Variants in FRMD6 observed in about 807,000 individuals in gnomAD.
FRMD6 encodes FERM domain containing 6, also known as FERM domain-containing protein 6.
FRMD6 carries 37 observed loss-of-function variants against 73.2 expected under a neutral mutation model. The ratio of observed to expected loss-of-function variants is 0.51; its 90% CI spans 0.39 to 0.66. FRMD6 has a LOEUF of 0.66. Among genes scored for constraint, FRMD6 ranks in the 30% least tolerant of loss-of-function variants. The probability of loss-of-function intolerance (pLI) is 0.00; values close to 1 mark genes in which losing one functional copy is unlikely to be tolerated. For missense variants in FRMD6, 714 were observed against 780.5 expected (o/e 0.91, Z 1.02); for synonymous variants, 273 against 282.2 (o/e 0.97, Z 0.33).
chr14:51,722,076 C>T lies in FRMD6; in HGVS notation c.1488C>T (p.His496=). 6.2e-7 allele frequency: 1 copy of T among 1,613,978 alleles called. No individual in the cohort carries two copies. Among genetic ancestry groups the T allele is most frequent in the Non-Finnish European group, 8.5e-7 (1 of 1,179,946 alleles). ...TCATGTCGCGGAAGCTGAATGGACA[C>T]TCTGGTGAGCTCTTACGGGAAGTTA... ...DMLMSRKLNG[H]SGLIVKEIGS... Residue 496 remains histidine (H), a synonymous_variant, in exon 12 of 14, where the codon CAC becomes CAT. Coordinates refer to ENST00000344768, the MANE Select transcript of FRMD6 (RefSeq NM_001267046.2).
At chr14:51,535,284 A>G (rs1474806345) in intron 1 of FRMD6, among the ~76,000 whole-genome samples, 1 of 152,206 alleles carries the variant, frequency 6.6e-6, no homozygotes, top group African/African-American at 2.4e-5. Context: ...ACGTACAACC[A>G]TCACACAATC....
At chr14:51,469,389 G>A in the FRMD6 span, among the ~76,000 whole-genome samples, 5 of 150,016 alleles carry the variant, frequency 3.3e-5, no homozygotes, top group South Asian at 2.1e-4. Flanking sequence ...CGAGGCGGGC[G>A]GATCACGAGG....
chr14:51,708,475 T>C, intron 7 of FRMD6: 1 of 343,624 alleles, frequency 2.9e-6, no homozygotes, highest in Non-Finnish European at 5.3e-6. Context: ...GAGATGACAA[T>C]TGGCTATAAG....
the FRMD6 span, among the ~76,000 whole-genome samples, chr14:51,435,401 C>T: frequency 1.4e-5 from 2 of 143,758 alleles, no homozygotes; most frequent in African/African-American, 2.6e-5. Context: ...GGCAACATGG[C>T]GAAATCCCAT....
intron 7 of FRMD6, among the ~76,000 whole-genome samples, chr14:51,710,559 A>C (rs547352256): frequency 6.6e-6 from 1 of 152,152 alleles, no homozygotes; most frequent in Non-Finnish European, 1.5e-5. Flanking sequence ...GTAAAAATAT[A>C]CTAGTTGGAA....
chr14:51,551,508 T>C lies in FRMD6; in HGVS notation c.-209-18840T>C, dbSNP rs546742064. ...TTAGCACTTCGGGAGACCAAGGTGG[T>C]CAGATTGCTTGAGCTCAGGAGTTCA... On this transcript the variant is annotated intron_variant, in intron 1 of 14. Coordinates refer to the FRMD6 transcript ENST00000356218. Among the ~76,000 whole-genome samples, 261 of 152,176 alleles carry C rather than the reference T, an allele frequency of 1.7e-3. 3 individuals carry two copies. In the Middle Eastern group the frequency reaches 0.034, roughly 20 times the overall value.
intron 1 of FRMD6, among the ~76,000 whole-genome samples, chr14:51,524,437 G>A (rs948924186): frequency 3.3e-5 from 5 of 151,842 alleles, no homozygotes; most frequent in African/African-American, 1.2e-4. Flanking sequence ...TGCGGGGAGC[G>A]GGACCTCTGG....
chr14:51,728,101 A>G lies in FRMD6; in HGVS notation c.*72A>G. On this transcript the variant is annotated 3_prime_UTR_variant, in exon 14 of 14. Coordinates refer to ENST00000344768, the MANE Select transcript of FRMD6 (RefSeq NM_001267046.2). The stretch of plus-strand genomic sequence containing the variant: ...GATGCGAAAGTCATAAGTTCTTTAC[A>G]TATTACTTGTGCCATATCTTCTTCA... 5.1e-6 allele frequency: 7 copies of G among 1,381,478 alleles called. No individual in the cohort carries two copies. Among genetic ancestry groups the G allele is most frequent in the Admixed American group, 2.1e-5 (1 of 48,212 alleles). The allele number at this position is 1,381,478 out of a possible 1,614,324, so 85.6% of individuals were successfully genotyped here. A position where few individuals can be genotyped will look rare whatever the true frequency, so the allele number is the denominator to read the frequency against.
At chr14:51,415,669 A>C in the FRMD6 span, among the ~76,000 whole-genome samples, 1 of 152,240 alleles carries the variant, frequency 6.6e-6, no homozygotes, top group Non-Finnish European at 1.5e-5. Context: ...TGGCCTCATA[A>C]AATGAGTTAG....
chr14:51,701,991 A>G (rs1482290446), intron 4 of FRMD6, among the ~76,000 whole-genome samples: 2 of 152,014 alleles, frequency 1.3e-5, no homozygotes, highest in South Asian at 2.1e-4. Flanking sequence ...GTAAGTCAGG[A>G]ATAGTAATCC....
chr14:51,495,340 C>G lies in FRMD6; in HGVS notation c.-210+5920C>G, dbSNP rs1883232543. On this transcript the variant is annotated intron_variant, in intron 1 of 14. Coordinates refer to the FRMD6 transcript ENST00000356218. ...AAGAATATTAAGGCATTCTCTACAGCTCTTCTCTTTTCTTTCCGAGTCCTC... is the reference window on the plus strand; with the variant it reads ...AAGAATATTAAGGCATTCTCTACAGGTCTTCTCTTTTCTTTCCGAGTCCTC... Among the ~76,000 whole-genome samples the G allele has an allele frequency of 2.0e-5, 3 of 152,234 alleles. No homozygotes were observed. The South Asian group carries it at 6.2e-4, about 31-fold the overall frequency.
intron 1 of FRMD6, among the ~76,000 whole-genome samples, chr14:51,663,077 A>G (rs1175077347): frequency 2.0e-5 from 3 of 152,260 alleles, no homozygotes; most frequent in Non-Finnish European, 4.4e-5. Context: ...ATACCATCTC[A>G]CACCAGTCAG....
the FRMD6 span, among the ~76,000 whole-genome samples, chr14:51,450,122 ATC>A: frequency 2.0e-5 from 3 of 152,208 alleles, no homozygotes; most frequent in African/African-American, 7.2e-5. Flanking sequence ...ATAAAATTGA[ATC>A]TCTCGTGTCA....
At chr14:51,609,154 A>G (rs564495714) in intron 2 of FRMD6, among the ~76,000 whole-genome samples, 61 of 152,298 alleles carry the variant, frequency 4.0e-4, no homozygotes, top group Non-Finnish European at 7.2e-4. Context: ...ACCAGGACAG[A>G]TTCTAACAAC....
chr14:51,613,593 G>A (rs1006341830), intron 2 of FRMD6, among the ~76,000 whole-genome samples: 2 of 152,056 alleles, frequency 1.3e-5, no homozygotes, highest in Non-Finnish European at 2.9e-5. Context: ...CCAAGGCAGC[G>A]CAACTCCAAA....
At chr14:51,488,118 A>G (rs1397023847), upstream of FRMD6, among the ~76,000 whole-genome samples, 4 of 152,112 alleles carry the variant, frequency 2.6e-5, no homozygotes, top group Non-Finnish European at 4.4e-5. Context: ...CTCTGCTTCT[A>G]TGATTAGAAA....
rs555565847 is a variant in FRMD6, at chr14:51,686,463, C to A, written c.-146-3228C>A. ...TAAAAGAAATGGAATAATTTTGTAACCATTGGGACTTATCAGGAAATAAGG... is the reference window on the plus strand; with the variant it reads ...TAAAAGAAATGGAATAATTTTGTAAACATTGGGACTTATCAGGAAATAAGG... On this transcript the variant is annotated intron_variant, in intron 1 of 13. Transcript: ENST00000344768. Among the ~76,000 whole-genome samples the A allele has an allele frequency of 4.1e-4, 62 of 152,188 alleles. 2 individuals are homozygous for A. The South Asian group carries it at 0.013, about 32-fold the overall frequency.
At chr14:51,426,061 C>G in the FRMD6 span, among the ~76,000 whole-genome samples, 2 of 152,120 alleles carry the variant, frequency 1.3e-5, no homozygotes, top group Admixed American at 1.3e-4. Flanking sequence ...TGTTAACAAT[C>G]TTGTTCAACA....
At chr14:51,558,153 T>C (rs1262437859) in intron 1 of FRMD6, among the ~76,000 whole-genome samples, 1 of 152,190 alleles carries the variant, frequency 6.6e-6, no homozygotes, top group Non-Finnish European at 1.5e-5. Context: ...ACAATTTTCA[T>C]TTTTTAATAA....
Sources: gnomAD v4.1 joint callset for allele counts (sites outside exome capture counted in the v4.1 genomes callset) on GRCh38, gnomAD v4.1.1 for gene constraint, MANE v1.5 for transcripts, NCBI Gene and HGNC (gene_info 2026-07-23, HGNC 2026-07-21) for gene names.